Variants in TEX36 observed in about 807,000 individuals in gnomAD.
The protein encoded by TEX36 is testis expressed 36, also known as testis-expressed protein 36.
TEX36 carries 12 observed loss-of-function variants against 13.6 expected under a neutral mutation model. That is an observed-to-expected ratio of 0.88 (90% CI 0.56 to 1.43). The LOEUF (loss-of-function observed/expected upper bound fraction) is 1.43, where lower values mean the gene tolerates loss of function less well. Ranked by LOEUF, TEX36 falls within the 40% of genes most tolerant of loss-of-function variation. TEX36 has a pLI of 0.00. For synonymous variants in TEX36, 93 were observed against 83.0 expected (o/e 1.12, Z -0.65); for missense variants, 224 against 228.3 (o/e 0.98, Z 0.12).
chr10:125,662,206 T>G (rs987401355), intron 1 of TEX36, among the ~76,000 whole-genome samples: 1 of 152,214 alleles, frequency 6.6e-6, no homozygotes, highest in Non-Finnish European at 1.5e-5. Flanking sequence ...CCACCCCTGC[T>G]GAGCTGGAGC....
intron 1 of TEX36, among the ~76,000 whole-genome samples, chr10:125,668,391 T>C (rs995959570): frequency 1.3e-5 from 2 of 152,088 alleles, no homozygotes; most frequent in Admixed American, 6.5e-5. Context: ...GATTCAATCT[T>C]GGTAGGTTGT....
intron 3 of TEX36, among the ~76,000 whole-genome samples, chr10:125,604,521 GA>G (rs1360947791): frequency 6.6e-5 from 10 of 151,426 alleles, no homozygotes; most frequent in Non-Finnish European, 1.5e-4. Flanking sequence ...TACACATAAA[GA>G]AAAAAAGAGA....
At chr10:125,662,841 G>A (rs1847068822) in intron 1 of TEX36, among the ~76,000 whole-genome samples, 1 of 152,234 alleles carries the variant, frequency 6.6e-6, no homozygotes, top group African/African-American at 2.4e-5. Context: ...AGCAGCCAGA[G>A]TGATGAGTCT....
downstream of TEX36, among the ~76,000 whole-genome samples, chr10:125,651,147 T>A (rs1360129828): frequency 6.6e-6 from 1 of 152,218 alleles, no homozygotes; most frequent in Admixed American, 6.5e-5. Context: ...AATCTTTTTA[T>A]GAGGCCAACA....
downstream of TEX36, among the ~76,000 whole-genome samples, chr10:125,653,447 T>A (rs951788609): frequency 1.6e-5 from 2 of 122,114 alleles, no homozygotes; most frequent in Admixed American, 1.1e-4. Context: ...TGTGAACACC[T>A]GGACACAGGG....
At chr10:125,580,617 T>G (rs981299742) in intron 3 of TEX36, among the ~76,000 whole-genome samples, 1 of 152,146 alleles carries the variant, frequency 6.6e-6, no homozygotes, top group Non-Finnish European at 1.5e-5. Context: ...CCAACCCTTG[T>G]CACCAAGGGC....
intron 1 of TEX36, among the ~76,000 whole-genome samples, chr10:125,682,608 A>AG (rs1197102252): frequency 2.6e-5 from 4 of 152,334 alleles, no homozygotes; most frequent in African/African-American, 9.6e-5. Flanking sequence ...TAGCAAGGGG[A>AG]GAAAAATAAC....
chr10:125,630,941 TC>T lies in TEX36; in HGVS notation c.265-9297del, dbSNP rs545823769. 3.2e-3 allele frequency among the ~76,000 whole-genome samples: 493 copies of T among 152,192 alleles called. 1 individual carries two copies. The highest frequency in any genetic ancestry group is 6.1e-3 in the Admixed American group (93 of 15,290). ...ACAGATGGGCAGGAGGGGGTCAGGC[TC>T]CAGGGAAGGGTGGGAATGGGACTTC... On this transcript the variant is annotated intron_variant, in intron 3 of 3. Coordinates refer to the TEX36 transcript ENST00000526819.
intron 3 of TEX36, among the ~76,000 whole-genome samples, chr10:125,614,321 A>G (rs1589755240): frequency 6.6e-6 from 1 of 152,092 alleles, no homozygotes; most frequent in African/African-American, 2.4e-5. Flanking sequence ...TTTTGTTGCC[A>G]TTGCTTTTGG....
At chr10:125,675,796 G>A in intron 1 of TEX36, among the ~76,000 whole-genome samples, 1 of 152,140 alleles carries the variant, frequency 6.6e-6, no homozygotes, top group Non-Finnish European at 1.5e-5. Flanking sequence ...CTTCTCAGTA[G>A]GAACCTCCAA....
intron 3 of TEX36, among the ~76,000 whole-genome samples, chr10:125,630,612 C>T (rs1846540482): frequency 1.3e-5 from 2 of 152,086 alleles, no homozygotes; most frequent in Admixed American, 1.3e-4. Flanking sequence ...GAGGGGACTG[C>T]CTAAGGACAT....
chr10:125,654,635 TGTCA>T (rs769504499), downstream of TEX36, among the ~76,000 whole-genome samples: 17 of 152,114 alleles, frequency 1.1e-4, no homozygotes, highest in Non-Finnish European at 2.5e-4. Context: ...ATGGGGACAT[TGTCA>T]GTCTATAGAA....
chr10:125,599,007 T>C (rs1846112863), intron 3 of TEX36, among the ~76,000 whole-genome samples: 1 of 152,170 alleles, frequency 6.6e-6, no homozygotes, highest in South Asian at 2.1e-4. Context: ...TTCTTAACCA[T>C]GACCTTGCCT....
intron 1 of TEX36, among the ~76,000 whole-genome samples, chr10:125,674,093 A>G (rs925236401): frequency 3.3e-5 from 5 of 152,022 alleles, no homozygotes; most frequent in African/African-American, 1.2e-4. Flanking sequence ...ATAATCCCAT[A>G]TTTCTCAGAG....
intron 3 of TEX36, among the ~76,000 whole-genome samples, chr10:125,581,553 C>G (rs1476657476): frequency 3.3e-5 from 5 of 152,136 alleles, no homozygotes; most frequent in Admixed American, 3.3e-4. Flanking sequence ...AGTAAACTAC[C>G]TGCACTCACC....
chr10:125,637,134 T>C (rs939505016), intron 3 of TEX36, among the ~76,000 whole-genome samples: 16 of 151,852 alleles, frequency 1.1e-4, no homozygotes, highest in Admixed American at 1.3e-4. Flanking sequence ...AGACCCCATC[T>C]CTACAAAAAA....
At chr10:125,642,181 T>A (rs1846702382) in intron 3 of TEX36, among the ~76,000 whole-genome samples, 1 of 152,152 alleles carries the variant, frequency 6.6e-6, no homozygotes, top group Non-Finnish European at 1.5e-5. Flanking sequence ...GAGGACTCCC[T>A]GGGAGAAGAA....
chr10:125,658,346 C>T (rs11244596), intron 3 of TEX36, among the ~76,000 whole-genome samples: 43,812 of 151,772 alleles, frequency 0.29, 10,087 homozygotes, highest in African/African-American at 0.61. Context: ...TATTGATAAA[C>T]GGCAAAAGCC....
At chr10:125,642,666 T>G (rs1846708462) in intron 3 of TEX36, among the ~76,000 whole-genome samples, 2 of 152,140 alleles carry the variant, frequency 1.3e-5, no homozygotes, top group East Asian at 1.9e-4. Flanking sequence ...GGTTTTTTTG[T>G]TTTTTTGTGT....
Sources: allele counts gnomAD v4.1 joint callset (sites outside exome capture counted in the v4.1 genomes callset), GRCh38; gene constraint gnomAD v4.1.1; transcripts MANE v1.5; gene names NCBI Gene and HGNC (gene_info 2026-07-23, HGNC 2026-07-21).